The following GLRA2 variants were observed in gnomAD, a reference collection of about 807,000 sequenced individuals.
GLRA2 encodes glycine receptor alpha 2.
Under a neutral mutation model 31.6 loss-of-function variants are expected in GLRA2, and 11 were observed. The observed-to-expected ratio is 0.35, with a 90% CI of 0.22 to 0.58. The LOEUF is 0.58. Ranked by LOEUF, GLRA2 falls within the 20% of genes least tolerant of loss-of-function variation. GLRA2 has a pLI of 0.84. For missense variants in GLRA2, 212 were observed against 351.8 expected (o/e 0.60, Z 3.18); for synonymous variants, 132 against 134.0 (o/e 0.99, Z 0.10).
intron 8 of GLRA2, among the ~76,000 whole-genome samples, chrX:14,697,224 C>T (rs1300972693): frequency 8.9e-6 from 1 of 111,895 alleles, no homozygotes; most frequent in Non-Finnish European, 1.9e-5. Context: ...ATCATACAGC[C>T]CAGTTTACCT....
At chrX:14,524,252 C>A in the GLRA2 span, among the ~76,000 whole-genome samples, 2 of 112,090 alleles carry the variant, frequency 1.8e-5, no homozygotes, top group Non-Finnish European at 3.8e-5. Context: ...AAATGGCAAT[C>A]GTTAATATTG....
intron 7 of GLRA2, among the ~76,000 whole-genome samples, chrX:14,615,070 G>T (rs1287999350): frequency 1.8e-5 from 2 of 111,437 alleles, no homozygotes; most frequent in Non-Finnish European, 3.8e-5. Flanking sequence ...AAAATGCTGA[G>T]GCAATAAGAA....
intron 7 of GLRA2, among the ~76,000 whole-genome samples, chrX:14,681,910 A>ATATATATATATATATATATAT (rs1556060453): frequency 4.8e-5 from 2 of 41,276 alleles, no homozygotes; most frequent in Admixed American, 2.6e-4. Flanking sequence ...AAAAAAAAAA[A>ATATATATATATATATATATAT]ATATATATAT....
intron 8 of GLRA2, among the ~76,000 whole-genome samples, chrX:14,717,739 G>C (rs1009891146): frequency 1.3e-5 from 1 of 75,282 alleles, no homozygotes; most frequent in Non-Finnish European, 2.7e-5. Context: ...CTTCTGTAAA[G>C]TAAAAAAAAA....
chrX:14,587,854 T>C lies in GLRA2; in HGVS notation c.494+6448T>C, dbSNP rs753566826. Among the ~76,000 whole-genome samples the C allele has an allele frequency of 3.6e-5, 4 of 111,354 alleles. No individual in the cohort carries two copies. In the East Asian group the frequency reaches 1.1e-3, roughly 31 times the overall value. The stretch of plus-strand genomic sequence containing the variant: ...TTGCTTTTGGGGACTTGTCTAAAAA[T>C]AATTTTCCAAGGCCAGTGTCAAGAA... On this transcript the variant is annotated intron_variant, in intron 4 of 8. Transcript: ENST00000218075.
chrX:14,594,384 G>GA (rs1353849299), intron 4 of GLRA2, among the ~76,000 whole-genome samples: 2 of 111,252 alleles, frequency 1.8e-5, no homozygotes, highest in African/African-American at 6.5e-5. Flanking sequence ...TAGTAACAAT[G>GA]AAAAAGGCAG....
intron 2 of GLRA2, among the ~76,000 whole-genome samples, chrX:14,540,273 A>G (rs1294972111): frequency 9.0e-6 from 1 of 111,491 alleles, no homozygotes; most frequent in Non-Finnish European, 1.9e-5. Flanking sequence ...TATCAACAGA[A>G]CTGAAGAAGC....
At chrX:14,614,934 CT>C (rs749360802) in intron 7 of GLRA2, among the ~76,000 whole-genome samples, 1 of 111,851 alleles carries the variant, frequency 8.9e-6, no homozygotes, top group East Asian at 2.8e-4. Context: ...TTTCGAATGT[CT>C]GGTTTTCTGT....
At chrX:14,551,433 C>G (rs1262796185) in intron 2 of GLRA2, among the ~76,000 whole-genome samples, 1 of 111,058 alleles carries the variant, frequency 9.0e-6, no homozygotes, top group African/African-American at 3.3e-5. Context: ...AATCACCCAA[C>G]AGCTTTCTGC....
chrX:14,526,324 C>T (rs1325791117), upstream of GLRA2, among the ~76,000 whole-genome samples: 1 of 112,617 alleles, frequency 8.9e-6, no homozygotes, highest in Non-Finnish European at 1.9e-5. Flanking sequence ...GAGTAGTTTC[C>T]TTGTTCTACA....
At chrX:14,478,209 C>T in the GLRA2 span, among the ~76,000 whole-genome samples, 4 of 110,908 alleles carry the variant, frequency 3.6e-5, no homozygotes, top group African/African-American at 1.3e-4. Context: ...TTACTCTAAT[C>T]CATTCCCAAG....
chrX:14,528,832 C>A (rs1411812055), upstream of GLRA2, among the ~76,000 whole-genome samples: 1 of 111,515 alleles, frequency 9.0e-6, no homozygotes, highest in Non-Finnish European at 1.9e-5. Context: ...CCTGCCGGCC[C>A]ATTGTCTCAT....
intron 7 of GLRA2, among the ~76,000 whole-genome samples, chrX:14,621,922 T>C (rs922451527): frequency 2.7e-5 from 3 of 112,121 alleles, no homozygotes; most frequent in Non-Finnish European, 3.8e-5. Context: ...TTCTAGATCC[T>C]TGAGGAATCG....
At chrX:14,641,765 A>G (rs951786117) in intron 7 of GLRA2, among the ~76,000 whole-genome samples, 1 of 111,980 alleles carries the variant, frequency 8.9e-6, no homozygotes, top group African/African-American at 3.2e-5. Context: ...CCACTCAGAC[A>G]TAAACTGGGT....
chrX:14,452,638 A>T, the GLRA2 span, among the ~76,000 whole-genome samples: 1 of 112,323 alleles, frequency 8.9e-6, no homozygotes, highest in Non-Finnish European at 1.9e-5. Flanking sequence ...GGTGTTACAG[A>T]AGAGATAGTA....
At chrX:14,504,308 C>A in the GLRA2 span, among the ~76,000 whole-genome samples, 5 of 112,104 alleles carry the variant, frequency 4.5e-5, no homozygotes, top group South Asian at 1.8e-3. Flanking sequence ...AATTTCAATG[C>A]CATTTTCTGT....
intron 4 of GLRA2, among the ~76,000 whole-genome samples, chrX:14,581,912 T>C (rs937286483): frequency 1.8e-5 from 2 of 110,843 alleles, no homozygotes; most frequent in Non-Finnish European, 3.8e-5. Context: ...GACCTTGATC[T>C]CTTAACTTTT....
the GLRA2 span, among the ~76,000 whole-genome samples, chrX:14,453,753 C>A: frequency 1.8e-5 from 2 of 111,857 alleles, no homozygotes; most frequent in Non-Finnish European, 3.8e-5. Flanking sequence ...ATTCAAAGCA[C>A]CTTTATTCAT....
intron 7 of GLRA2, among the ~76,000 whole-genome samples, chrX:14,613,239 A>G (rs933307339): frequency 2.7e-5 from 3 of 111,712 alleles, no homozygotes; most frequent in Non-Finnish European, 5.7e-5. Context: ...TGTAGTAGAA[A>G]AGACTGCTCC....
Sources: allele counts gnomAD v4.1 joint callset (sites outside exome capture counted in the v4.1 genomes callset), GRCh38; gene constraint gnomAD v4.1.1; transcripts MANE v1.5; gene names NCBI Gene and HGNC (gene_info 2026-07-23, HGNC 2026-07-21).